Variants in PTPRR observed in about 807,000 individuals in gnomAD.
PTPRR encodes receptor-type tyrosine-protein phosphatase R.
Under a neutral mutation model 77.2 loss-of-function variants are expected in PTPRR, and 38 were observed. The ratio of observed to expected loss-of-function variants is 0.49; its 90% CI spans 0.38 to 0.65. The LOEUF is 0.65. Ranked by LOEUF, PTPRR falls within the 30% of genes least tolerant of loss-of-function variation. PTPRR has a pLI of 0.00. For synonymous variants in PTPRR, 299 were observed against 283.1 expected (o/e 1.06, Z -0.57); for missense variants, 744 against 799.2 (o/e 0.93, Z 0.83).
chr12:70,733,469 G>GGA (rs1889749719), intron 6 of PTPRR, among the ~76,000 whole-genome samples: 1 of 73,012 alleles, frequency 1.4e-5, no homozygotes, highest in Non-Finnish European at 2.5e-5. Context: ...AAAAATTATG[G>GGA]CAAAAAAAAA....
chr12:70,705,343 G>C (rs1381094125), intron 6 of PTPRR, among the ~76,000 whole-genome samples: 1 of 152,076 alleles, frequency 6.6e-6, no homozygotes. Flanking sequence ...GGACCATAAT[G>C]CTAGATTTTA....
chr12:70,742,954 T>C (rs1165064560), intron 6 of PTPRR, among the ~76,000 whole-genome samples: 1 of 152,152 alleles, frequency 6.6e-6, no homozygotes, highest in Non-Finnish European at 1.5e-5. Context: ...TGTTGTAAGT[T>C]GGTAGTGTTT....
At chr12:70,710,185 T>C (rs1888773478) in intron 6 of PTPRR, among the ~76,000 whole-genome samples, 1 of 152,056 alleles carries the variant, frequency 6.6e-6, no homozygotes, top group African/African-American at 2.4e-5. Flanking sequence ...AACAGCATAG[T>C]ACTGGGACAA....
intron 6 of PTPRR, among the ~76,000 whole-genome samples, chr12:70,735,347 C>T (rs1268394756): frequency 1.3e-5 from 2 of 152,192 alleles, no homozygotes; most frequent in African/African-American, 4.8e-5. Context: ...GCCCCACAAT[C>T]ATGGCAGAAG....
intron 6 of PTPRR, among the ~76,000 whole-genome samples, chr12:70,720,797 T>G (rs1889222541): frequency 6.6e-6 from 1 of 152,140 alleles, no homozygotes; most frequent in Non-Finnish European, 1.5e-5. Context: ...ACATTTTTCT[T>G]ATTGGTACTA....
chr12:70,902,863 C>G (rs1006221891), intron 1 of PTPRR, among the ~76,000 whole-genome samples: 4 of 151,662 alleles, frequency 2.6e-5, no homozygotes, highest in African/African-American at 9.7e-5. Context: ...CAAAACACCC[C>G]CTGTACCCCC....
intron 12 of PTPRR, among the ~76,000 whole-genome samples, chr12:70,657,175 A>C (rs1389465200): frequency 6.6e-6 from 1 of 152,162 alleles, no homozygotes. Context: ...ACTGGAGCTG[A>C]AGAGGGAGAA....
At chr12:70,796,464 T>C (rs953290567) in intron 2 of PTPRR, among the ~76,000 whole-genome samples, 1 of 152,156 alleles carries the variant, frequency 6.6e-6, no homozygotes, top group African/African-American at 2.4e-5. Flanking sequence ...TTTATAAATA[T>C]GTGTTTTGGT....
At chr12:70,914,302 TA>T (rs2137139552) in intron 1 of PTPRR, among the ~76,000 whole-genome samples, 1 of 152,280 alleles carries the variant, frequency 6.6e-6, no homozygotes, top group African/African-American at 2.4e-5. Context: ...GAGTTTATTC[TA>T]AAAGAAAAGG....
intron 6 of PTPRR, among the ~76,000 whole-genome samples, chr12:70,712,669 A>C (rs1592696532): frequency 6.6e-6 from 1 of 151,904 alleles, no homozygotes; most frequent in East Asian, 1.9e-4. Flanking sequence ...AGTGAACTGA[A>C]ATTTGTCACG....
Position 70,666,560 on chromosome 12 carries a change from G to A in PTPRR, c.1498-3955C>T, listed in dbSNP as rs142412288. ...TTTATGAGATAATTGAATAAGTTGC[G>A]TAAGTTTTTCACTGGTGAAAAAAGT... is the stretch of plus-strand genomic sequence containing the variant. On this transcript the variant is annotated intron_variant, in intron 10 of 13. Transcript: ENST00000283228. Among the ~76,000 whole-genome samples the A allele has an allele frequency of 5.2e-3, 791 of 152,206 alleles. 4 individuals carry two copies. Among genetic ancestry groups the A allele is most frequent in the African/African-American group, 0.018 (745 of 41,520 alleles).
intron 1 of PTPRR, among the ~76,000 whole-genome samples, chr12:70,909,739 T>C (rs1039125266): frequency 2.0e-5 from 3 of 152,170 alleles, no homozygotes; most frequent in African/African-American, 7.2e-5. Context: ...CTTTGTTGGA[T>C]GTTGTGGATT....
chr12:70,669,468 C>T (rs1887131564), intron 10 of PTPRR, among the ~76,000 whole-genome samples: 1 of 149,194 alleles, frequency 6.7e-6, no homozygotes, highest in Non-Finnish European at 1.5e-5. Context: ...TATATATATA[C>T]ACACAAGCTA....
At chr12:70,661,564 T>A (rs1886800937) in intron 11 of PTPRR, among the ~76,000 whole-genome samples, 1 of 152,132 alleles carries the variant, frequency 6.6e-6, no homozygotes, top group African/African-American at 2.4e-5. Context: ...CAGTATTTAA[T>A]AGGAGTGAGG....
intron 6 of PTPRR, among the ~76,000 whole-genome samples, chr12:70,707,557 T>C (rs1888663630): frequency 6.6e-6 from 1 of 152,126 alleles, no homozygotes; most frequent in Non-Finnish European, 1.5e-5. Context: ...ATTGAGTCAT[T>C]TTCAATTTTT....
chr12:70,843,863 T>C (rs1224923319), intron 2 of PTPRR, among the ~76,000 whole-genome samples: 2 of 149,218 alleles, frequency 1.3e-5, no homozygotes, highest in African/African-American at 4.9e-5. Flanking sequence ...TTGCCCAGGC[T>C]GGAGCGCAAT....
At chr12:70,730,352 A>C (rs1889609391) in intron 6 of PTPRR, among the ~76,000 whole-genome samples, 2 of 152,132 alleles carry the variant, frequency 1.3e-5, no homozygotes, top group South Asian at 4.1e-4. Flanking sequence ...CTCTACTAAA[A>C]ATACAAAAAT....
intron 2 of PTPRR, among the ~76,000 whole-genome samples, chr12:70,785,984 G>T (rs2137003993): frequency 6.6e-6 from 1 of 152,058 alleles, no homozygotes; most frequent in East Asian, 1.9e-4. Context: ...TTCTCTTTCA[G>T]CCTCCCCTCC....
At chr12:70,657,819 T>A (rs545422805) in intron 12 of PTPRR, among the ~76,000 whole-genome samples, 1 of 152,328 alleles carries the variant, frequency 6.6e-6, no homozygotes, top group African/African-American at 2.4e-5. Context: ...TCTTCTATTT[T>A]CCATCTCTGC....
Sources: gnomAD v4.1 joint callset for allele counts (sites outside exome capture counted in the v4.1 genomes callset) on GRCh38, gnomAD v4.1.1 for gene constraint, MANE v1.5 for transcripts, NCBI Gene and HGNC (gene_info 2026-07-23, HGNC 2026-07-21) for gene names.